MARCHF1: variants seen among roughly 807,000 people sequenced by gnomAD.
The protein encoded by MARCHF1 is membrane associated ring-CH-type finger 1.
MARCHF1 carries 40 observed loss-of-function variants against 54.2 expected under a neutral mutation model. That is an observed-to-expected ratio of 0.74 (90% CI 0.57 to 0.96). The LOEUF is 0.96. MARCHF1 is among the 40% of genes least tolerant of loss of function. MARCHF1 has a pLI of 0.00. For synonymous variants in MARCHF1, 236 were observed against 236.3 expected, an observed-to-expected ratio of 1.00 and a Z score of 0.01; for missense variants, 586 against 656.5, an observed-to-expected ratio of 0.89 and a Z score of 1.17.
chr4:163,577,489 C>T (rs1055244926), intron 8 of MARCHF1, among the ~76,000 whole-genome samples: 1 of 151,960 alleles, frequency 6.6e-6, no homozygotes, highest in African/African-American at 2.4e-5. Context: ...GTAATCTGAC[C>T]TTTTTCTCTA....
chr4:163,974,408 A>C (rs1413895715), intron 3 of MARCHF1, among the ~76,000 whole-genome samples: 1 of 152,220 alleles, frequency 6.6e-6, no homozygotes, highest in Non-Finnish European at 1.5e-5. Flanking sequence ...TTCAGTTGGC[A>C]GTCCTACTCT....
In MARCHF1 at chr4:164,176,964, CTCTCT is replaced by C. The variant is rs1435563454; in HGVS notation, c.-322-65307_-322-65303del. 3.6e-3 allele frequency among the ~76,000 whole-genome samples: 174 copies of C among 47,700 alleles called. 20 individuals are homozygous for C. Among genetic ancestry groups the C allele is most frequent in the South Asian group, 8.4e-3 (9 of 1,076 alleles). The allele number at this position is 47,700 out of a possible 152,430, so 31.3% of individuals were successfully genotyped here. On this transcript the variant is annotated intron_variant, in intron 1 of 9. Transcript: ENST00000514618. ...GCGCTCTCTCTCTCTCTCTCTCTCT[CTCTCT>C]CTCTCTCTCTCTATATATATATATA...
chr4:164,279,013 TAGACC>T (rs1479030082), intron 1 of MARCHF1, among the ~76,000 whole-genome samples: 1 of 152,050 alleles, frequency 6.6e-6, no homozygotes, highest in Non-Finnish European at 1.5e-5. Context: ...TTTGTCACTA[TAGACC>T]AGTATTTTAT....
At chr4:164,089,963 A>AAT (rs898392563) in intron 2 of MARCHF1, among the ~76,000 whole-genome samples, 3 of 151,070 alleles carry the variant, frequency 2.0e-5, no homozygotes, top group Non-Finnish European at 4.4e-5. Flanking sequence ...AGAAAATTTT[A>AAT]ATATATATAT....
intron 5 of MARCHF1, among the ~76,000 whole-genome samples, chr4:163,680,516 C>T (rs1744068310): frequency 6.6e-6 from 1 of 152,218 alleles, no homozygotes; most frequent in Non-Finnish European, 1.5e-5. Context: ...CTCCCTGGAA[C>T]ACCAGCTCTT....
intron 1 of MARCHF1, among the ~76,000 whole-genome samples, chr4:164,144,189 C>A (rs1261501255): frequency 6.7e-6 from 1 of 150,322 alleles, no homozygotes; most frequent in Non-Finnish European, 1.5e-5. Flanking sequence ...GACTGACCTA[C>A]AAAGAGACTT....
At chr4:164,149,740 G>A (rs1729881142) in intron 1 of MARCHF1, among the ~76,000 whole-genome samples, 1 of 152,120 alleles carries the variant, frequency 6.6e-6, no homozygotes, top group African/African-American at 2.4e-5. Context: ...TGAGATAAAT[G>A]AGAAGATTCT....
intron 2 of MARCHF1, among the ~76,000 whole-genome samples, chr4:164,005,748 C>G (rs1311212536): frequency 6.6e-6 from 1 of 152,054 alleles, no homozygotes. Flanking sequence ...ATAACTTAGT[C>G]AAAGAAGATG....
chr4:163,816,529 A>G (rs1049840574), intron 4 of MARCHF1, among the ~76,000 whole-genome samples: 3 of 151,970 alleles, frequency 2.0e-5, no homozygotes, highest in Non-Finnish European at 2.9e-5. Context: ...CTATTTTATA[A>G]TTAATATTAT....
At chr4:163,721,262 T>C (rs184969746) in intron 4 of MARCHF1, among the ~76,000 whole-genome samples, 69 of 152,300 alleles carry the variant, frequency 4.5e-4, no homozygotes, top group African/African-American at 1.6e-3. Context: ...TTGTCAAAGG[T>C]CTTCTCTGCA....
chr4:163,598,898 G>A (rs888883003), intron 7 of MARCHF1, among the ~76,000 whole-genome samples: 1 of 151,666 alleles, frequency 6.6e-6, no homozygotes, highest in Non-Finnish European at 1.5e-5. Flanking sequence ...TAAACTTTTC[G>A]ACTCTTTTGT....
At chr4:164,234,678 G>A (rs1164208425) in intron 1 of MARCHF1, among the ~76,000 whole-genome samples, 3 of 152,006 alleles carry the variant, frequency 2.0e-5, no homozygotes, top group African/African-American at 7.2e-5. Flanking sequence ...GAACTAATTT[G>A]CCTTAATCTC....
chr4:164,013,768 T>TA (rs1410373146), intron 2 of MARCHF1, among the ~76,000 whole-genome samples: 1 of 152,150 alleles, frequency 6.6e-6, no homozygotes, highest in East Asian at 1.9e-4. Context: ...CCTAGAATAT[T>TA]ACATTAATCA....
At chr4:164,126,651 G>A (rs1038650587) in intron 1 of MARCHF1, among the ~76,000 whole-genome samples, 1 of 152,172 alleles carries the variant, frequency 6.6e-6, no homozygotes, top group African/African-American at 2.4e-5. Flanking sequence ...TGAGGGCTCA[G>A]AAGAAGAGGA....
chr4:164,055,786 T>A (rs1754476925), intron 2 of MARCHF1, among the ~76,000 whole-genome samples: 1 of 152,150 alleles, frequency 6.6e-6, no homozygotes, highest in South Asian at 2.1e-4. Context: ...ATACTTTCCA[T>A]CCTCTTTATT....
At chr4:163,879,083 T>A (rs186381220) in intron 3 of MARCHF1, among the ~76,000 whole-genome samples, 220 of 152,338 alleles carry the variant, frequency 1.4e-3, no homozygotes, top group African/African-American at 5.1e-3. Flanking sequence ...TAAGATTTCT[T>A]GAATTTTAGA....
chr4:163,877,838 C>T (rs181091933), intron 3 of MARCHF1, among the ~76,000 whole-genome samples: 180 of 152,218 alleles, frequency 1.2e-3, no homozygotes, highest in African/African-American at 4.1e-3. Context: ...AAGTGTAAAT[C>T]GAGTAATGTC....
At chr4:163,789,175 A>C (rs1396177224) in intron 4 of MARCHF1, among the ~76,000 whole-genome samples, 1 of 152,024 alleles carries the variant, frequency 6.6e-6, no homozygotes, top group African/African-American at 2.4e-5. Context: ...TATTTGTGTT[A>C]TAAATCGTTT....
chr4:163,828,769 A>C (rs1044730201), intron 4 of MARCHF1: 2 of 152,224 alleles, frequency 1.3e-5, no homozygotes, highest in South Asian at 2.1e-4. Flanking sequence ...TGGCCATGTA[A>C]GTCGGTGTTG....
Sources: gnomAD v4.1 joint callset for allele counts (sites outside exome capture counted in the v4.1 genomes callset) on GRCh38, gnomAD v4.1.1 for gene constraint, MANE v1.5 for transcripts, NCBI Gene and HGNC (gene_info 2026-07-23, HGNC 2026-07-21) for gene names.